The following CMIP variants were observed in gnomAD, a reference collection of about 807,000 sequenced individuals.
The protein encoded by CMIP is c-Maf inducing protein.
A neutral mutation model predicts 97.3 loss-of-function variants in CMIP; 13 were observed. The observed-to-expected ratio is 0.13, with a 90% CI of 0.09 to 0.21. CMIP has a LOEUF of 0.21. Among genes scored for constraint, CMIP ranks in the 10% least tolerant of loss-of-function variants. The probability of loss-of-function intolerance (pLI) is 1.00; values close to 1 mark genes in which losing one functional copy is unlikely to be tolerated. For synonymous variants in CMIP, 538 were observed against 436.3 expected, an observed-to-expected ratio of 1.23 and a Z score of -2.91; for missense variants, 847 against 1,024.9, an observed-to-expected ratio of 0.83 and a Z score of 2.37.
At chr16:81,641,735 T>G (rs2092308903) in intron 3 of CMIP, among the ~76,000 whole-genome samples, 1 of 152,220 alleles carries the variant, frequency 6.6e-6, no homozygotes, top group Non-Finnish European at 1.5e-5. Context: ...AGCTGGCTTT[T>G]CAGGCAGGTG....
At chr16:81,568,784 C>T (rs943656179) in intron 1 of CMIP, among the ~76,000 whole-genome samples, 1 of 152,152 alleles carries the variant, frequency 6.6e-6, no homozygotes, top group African/African-American at 2.4e-5. Flanking sequence ...AAAAGCAGAC[C>T]AGCAACCAGC....
At chr16:81,473,809 T>TA (rs1426999047) in intron 1 of CMIP, among the ~76,000 whole-genome samples, 1 of 127,894 alleles carries the variant, frequency 7.8e-6, no homozygotes, top group African/African-American at 3.3e-5. Flanking sequence ...GCCCACACAG[T>TA]GGTTTTTTTT....
chr16:81,611,607 C>G (rs905102292), intron 2 of CMIP, among the ~76,000 whole-genome samples: 5 of 152,128 alleles, frequency 3.3e-5, no homozygotes, highest in African/African-American at 1.2e-4. Context: ...CTTTCTCTCT[C>G]TTTAGTCCTT....
chr16:81,634,280 T>C (rs2092205627), intron 3 of CMIP, among the ~76,000 whole-genome samples: 1 of 152,242 alleles, frequency 6.6e-6, no homozygotes, highest in Non-Finnish European at 1.5e-5. Flanking sequence ...CATTATTTTC[T>C]TTAGGCTGCA....
intron 1 of CMIP, among the ~76,000 whole-genome samples, chr16:81,543,590 C>G (rs1253883115): frequency 1.3e-5 from 2 of 152,142 alleles, no homozygotes; most frequent in South Asian, 4.1e-4. Flanking sequence ...GTGTTCAATT[C>G]CTGGCTTTTA....
intron 9 of CMIP, among the ~76,000 whole-genome samples, chr16:81,672,826 T>C (rs2092695267): frequency 6.6e-6 from 1 of 152,220 alleles, no homozygotes; most frequent in South Asian, 2.1e-4. Flanking sequence ...AGTCTTCCCA[T>C]TTGGACCTCC....
intron 1 of CMIP, among the ~76,000 whole-genome samples, chr16:81,539,437 C>T (rs947461106): frequency 6.6e-6 from 1 of 152,214 alleles, no homozygotes; most frequent in African/African-American, 2.4e-5. Context: ...GTTTGAAGCA[C>T]AGATCTGCTC....
chr16:81,691,209 G>C (rs1906026284), intron 10 of CMIP, among the ~76,000 whole-genome samples: 1 of 152,186 alleles, frequency 6.6e-6, no homozygotes, highest in East Asian at 1.9e-4. Flanking sequence ...CTGAAATCAA[G>C]GTGTGGGCAG....
intron 1 of CMIP, among the ~76,000 whole-genome samples, chr16:81,523,014 C>T (rs2090058206): frequency 6.6e-6 from 1 of 152,030 alleles, no homozygotes; most frequent in Non-Finnish European, 1.5e-5. Flanking sequence ...GCAGCTTTGA[C>T]CTCTGAGGCT....
At chr16:81,473,365 C>T (rs930645777) in intron 1 of CMIP, among the ~76,000 whole-genome samples, 2 of 152,196 alleles carry the variant, frequency 1.3e-5, no homozygotes, top group East Asian at 1.9e-4. Flanking sequence ...GGACGGATTT[C>T]AGGACTGAGC....
At position 81,598,968 on chromosome 16, in the gene CMIP, C is replaced by CAAAAAAAAA. The variant is rs141717317; in HGVS notation, c.301-8585_301-8577dup. 1.4e-3 allele frequency among the ~76,000 whole-genome samples: 71 copies of CAAAAAAAAA among 49,842 alleles called. 2 individuals are homozygous for CAAAAAAAAA. Among genetic ancestry groups the CAAAAAAAAA allele is most frequent in the African/African-American group, 4.6e-3 (57 of 12,508 alleles). The allele number at this position is 49,842 out of a possible 152,430, so 32.7% of individuals were successfully genotyped here. A position where few individuals can be genotyped will look rare whatever the true frequency, so the allele number is the denominator to read the frequency against. On this transcript the variant is annotated intron_variant, in intron 1 of 20. Transcript: ENST00000537098. ...TGAGTGACAGAGCAAGACTCTGTCT[C>CAAAAAAAAA]AAAAAAAAAAAAAAAAAAAAAAGAG...
intron 1 of CMIP, among the ~76,000 whole-genome samples, chr16:81,513,993 G>C (rs2089862478): frequency 6.6e-6 from 1 of 151,800 alleles, no homozygotes; most frequent in South Asian, 2.1e-4. Flanking sequence ...AGACCATGGG[G>C]TTTCCGTTGT....
At chr16:81,579,678 C>CT (rs2150903223) in intron 1 of CMIP, among the ~76,000 whole-genome samples, 1 of 152,134 alleles carries the variant, frequency 6.6e-6, no homozygotes, top group African/African-American at 2.4e-5. Flanking sequence ...TTTTAAGGGA[C>CT]TCTGGGCAAA....
intron 1 of CMIP, among the ~76,000 whole-genome samples, chr16:81,455,533 G>A (rs911365097): frequency 6.6e-6 from 1 of 152,198 alleles, no homozygotes; most frequent in African/African-American, 2.4e-5. Flanking sequence ...GGCCCTCTGC[G>A]TAAGTGCGAG....
chr16:81,463,797 T>A (rs1040872372), intron 1 of CMIP: 7 of 152,362 alleles, frequency 4.6e-5, no homozygotes, highest in African/African-American at 1.7e-4. Flanking sequence ...TCAGGCCGAC[T>A]CGAGCTCGTG....
chr16:81,670,013 C>A, intron 7 of CMIP, 129 bp from the exon 8 acceptor site: 1 of 797,814 alleles, frequency 1.3e-6, no homozygotes, highest in Non-Finnish European at 2.0e-6. Context: ...GTTGGTGTCT[C>A]CCCATTGCCT....
intron 1 of CMIP, among the ~76,000 whole-genome samples, chr16:81,488,477 C>A (rs1013775575): frequency 6.6e-6 from 1 of 152,152 alleles, no homozygotes; most frequent in Non-Finnish European, 1.5e-5. Context: ...TGTTAGCCAT[C>A]ATTGTAGTCA....
At chr16:81,579,430 T>A (rs1403681875) in intron 1 of CMIP, among the ~76,000 whole-genome samples, 1 of 152,222 alleles carries the variant, frequency 6.6e-6, no homozygotes, top group Non-Finnish European at 1.5e-5. Context: ...GAAGCCAGTT[T>A]CTAACTGGAC....
chr16:81,476,647 T>G (rs767329391), intron 1 of CMIP: 1 of 389,496 alleles, frequency 2.6e-6, no homozygotes, highest in Non-Finnish European at 4.9e-6. Flanking sequence ...TTTAGTTTGC[T>G]TACTTTCTGT....
Sources: allele counts gnomAD v4.1 joint callset (sites outside exome capture counted in the v4.1 genomes callset), GRCh38; gene constraint gnomAD v4.1.1; transcripts MANE v1.5; gene names NCBI Gene and HGNC (gene_info 2026-07-23, HGNC 2026-07-21).